HDLBP: variants seen among roughly 807,000 people sequenced by gnomAD.
The protein encoded by HDLBP is high density lipoprotein binding protein, also known as vigilin.
A neutral mutation model predicts 137.3 loss-of-function variants in HDLBP; 30 were observed. That is an observed-to-expected ratio of 0.22 (90% CI 0.16 to 0.30). The LOEUF (loss-of-function observed/expected upper bound fraction) is 0.30. Ranked by LOEUF, HDLBP falls within the 10% of genes least tolerant of loss-of-function variation. The pLI, the probability that HDLBP is intolerant of heterozygous loss-of-function variation, is 1.00. For missense variants in HDLBP, 1,119 were observed against 1,667.3 expected (o/e 0.67, Z 5.73); for synonymous variants, 606 against 596.0 (o/e 1.02, Z -0.24).
At chr2:241,314,486 G>C (rs1386249065) in intron 1 of HDLBP, among the ~76,000 whole-genome samples, 1 of 152,180 alleles carries the variant, frequency 6.6e-6, no homozygotes, top group Non-Finnish European at 1.5e-5. Flanking sequence ...AGGGCTTAGG[G>C]TATAGGTAGC....
intron 1 of HDLBP, among the ~76,000 whole-genome samples, chr2:241,304,705 A>T (rs1022958287): frequency 1.3e-5 from 2 of 152,240 alleles, no homozygotes; most frequent in Non-Finnish European, 2.9e-5. Context: ...CCGAATACCT[A>T]TCTTGCTGCA....
chr2:241,302,877 G>C (rs921985520), intron 1 of HDLBP, among the ~76,000 whole-genome samples: 2 of 152,164 alleles, frequency 1.3e-5, no homozygotes, highest in Non-Finnish European at 2.9e-5. Context: ...TCAGAGGTTT[G>C]AAGGATGACC....
intron 16 of HDLBP, among the ~76,000 whole-genome samples, chr2:241,245,298 C>G (rs1357466648): frequency 6.6e-6 from 1 of 152,018 alleles, no homozygotes; most frequent in East Asian, 1.9e-4. Context: ...ATCCTCTCAC[C>G]TCAACCTCCT....
Position 241,255,364 on chromosome 2 carries a change from A to G in HDLBP, c.1080+10T>C. The G allele has an allele frequency of 1.2e-6, 2 of 1,611,596 alleles. No individual in the cohort carries two copies. The highest frequency in any genetic ancestry group is 1.7e-6 in the Non-Finnish European group (2 of 1,177,732). On this transcript the variant is annotated intron_variant, in intron 8 of 27. Transcript: ENST00000310931. ...CAAAGGAGACACACTTCATGCTCGG[A>G]GGCAGTTACCTTGGCATAGACTTCA... is the stretch of plus-strand genomic sequence containing the variant.
At chr2:241,307,310 C>T (rs1681766275) in intron 1 of HDLBP, among the ~76,000 whole-genome samples, 1 of 152,202 alleles carries the variant, frequency 6.6e-6, no homozygotes, top group African/African-American at 2.4e-5. Flanking sequence ...ACTGCTCACG[C>T]CACTTGCTGA....
At chr2:241,263,227 G>C (rs1302307569) in intron 4 of HDLBP, among the ~76,000 whole-genome samples, 2 of 152,214 alleles carry the variant, frequency 1.3e-5, no homozygotes, top group Non-Finnish European at 2.9e-5. Flanking sequence ...GTGGACCCTG[G>C]GGACGGCCAG....
Position 241,235,536 on chromosome 2 carries a change from A to G in HDLBP, c.2963T>C (p.Ile988Thr). The change falls in exon 22 of 28, where the codon ATT becomes ACT. Residue 988 changes from isoleucine to threonine, a missense_variant. Physicochemically the swap from Ile to Thr is moderately conservative, Grantham distance 89 (BLOSUM62 -1). Coordinates refer to ENST00000310931, the MANE Select transcript of HDLBP (RefSeq NM_005336.6). ...GCGGATCCCACTTCCTTTCTGCCCA[A>G]TAACGTAACGGTGAAGGTCAAAGGG... ...EVPFDLHRYV[I>T]GQKGSGIRKM... The G allele has an allele frequency of 6.2e-7, 1 of 1,614,140 alleles. No homozygotes were observed. The highest frequency in any genetic ancestry group is 8.5e-7 in the Non-Finnish European group (1 of 1,179,996).
chr2:241,278,221 T>G (rs1007462493), intron 1 of HDLBP, among the ~76,000 whole-genome samples: 2 of 152,118 alleles, frequency 1.3e-5, no homozygotes, highest in African/African-American at 4.8e-5. Context: ...GGTACAATAT[T>G]AGAAAAACAG....
intron 2 of HDLBP, among the ~76,000 whole-genome samples, chr2:241,268,263 C>T (rs753904699): frequency 1.3e-5 from 2 of 152,130 alleles, no homozygotes; most frequent in African/African-American, 2.4e-5. Context: ...TAAAAACAGA[C>T]GGAAGCCAGA....
chr2:241,270,859 AC>A, intron 1 of HDLBP: 2 of 562,712 alleles, frequency 3.6e-6, no homozygotes, highest in Non-Finnish European at 4.5e-6. Flanking sequence ...AGGCCTAGAT[AC>A]CCAAGAACAG....
intron 1 of HDLBP, among the ~76,000 whole-genome samples, chr2:241,301,559 G>A (rs938413235): frequency 6.6e-6 from 1 of 152,104 alleles, no homozygotes; most frequent in Non-Finnish European, 1.5e-5. Flanking sequence ...CTACACACCT[G>A]TAATCATCTA....
rs1294505312 is a variant in HDLBP, at chr2:241,227,365, G to A, written c.*2236C>T. The A allele has an allele frequency of 1.3e-5, 2 of 152,528 alleles. No individual in the cohort carries two copies. Among genetic ancestry groups the A allele is most frequent in the Non-Finnish European group, 2.9e-5 (2 of 68,032 alleles). The allele number at this position is 152,528 out of a possible 1,614,324, so 9.4% of individuals were successfully genotyped here. ...TATTCATGAGCCTTTACACATGTTT[G>A]CATATAATCTCCAAATTCCAAAGTT... On this transcript the variant is annotated 3_prime_UTR_variant, in exon 28 of 28. Transcript: ENST00000310931.
intron 10 of HDLBP, 57 bp downstream of exon 10, chr2:241,253,336 C>G: frequency 8.3e-7 from 1 of 1,208,980 alleles, no homozygotes; most frequent in Non-Finnish European, 1.2e-6. Context: ...ACCGCCCATG[C>G]CCAACTCAGA....
Position 241,272,045 on chromosome 2 carries a change from C to A in HDLBP, c.-102-3504G>T. ...CTTAAAGGGACAGCAACCCCTCGGC[C>A]TCCCCGCCTTTCATCCAAATTCGGT... On this transcript the variant is annotated intron_variant, in intron 1 of 27. Transcript: ENST00000310931. This position sits in a 1 kb window ranked among gnomAD's most constrained non-coding sequence, Gnocchi z 5.6. 5.9e-6 allele frequency: 2 copies of A among 340,586 alleles called. No homozygotes were observed. The highest frequency in any genetic ancestry group is 4.2e-6 in the Non-Finnish European group (1 of 240,310). 21.1% of individuals were successfully genotyped at this position (340,586 alleles called of 1,614,324 possible).
In HDLBP at chr2:241,233,229, G is replaced by T. The variant is rs1323845411; in HGVS notation, c.3288+591C>A. 1.3e-5 allele frequency among the ~76,000 whole-genome samples: 2 copies of T among 152,210 alleles called. No individual in the cohort carries two copies. Among genetic ancestry groups the T allele is most frequent in the African/African-American group, 2.4e-5 (1 of 41,452 alleles). On this transcript the variant is annotated intron_variant, in intron 24 of 27. Coordinates refer to ENST00000310931, the MANE Select transcript of HDLBP (RefSeq NM_005336.6). This position sits in a 1 kb window ranked among gnomAD's most constrained non-coding sequence, Gnocchi z 4.3. ...CAAGCCTGGGAAGTGTGTGCAAGAG[G>T]GGGTGTTGGGTGAGGCTGCCCTGCA...
At chr2:241,269,954 A>G (rs1574983545) in intron 1 of HDLBP, among the ~76,000 whole-genome samples, 1 of 152,054 alleles carries the variant, frequency 6.6e-6, no homozygotes, top group Admixed American at 6.5e-5. Context: ...CCGGGCTCCA[A>G]TGTCACTTCT....
At chr2:241,308,403 G>GCTCAT (rs2075650155) in intron 1 of HDLBP, among the ~76,000 whole-genome samples, 1 of 152,112 alleles carries the variant, frequency 6.6e-6, no homozygotes, top group African/African-American at 2.4e-5. Context: ...TTCCTAAAGG[G>GCTCAT]CACCCAGGCA....
chr2:241,232,899 G>T (rs562013979), intron 24 of HDLBP, among the ~76,000 whole-genome samples: 1 of 152,116 alleles, frequency 6.6e-6, no homozygotes, highest in African/African-American at 2.4e-5. Flanking sequence ...GGAGCTGGAG[G>T]AGGCAGGGTG....
rs781680747 is a variant in HDLBP, at chr2:241,230,775, A to G, written c.3458T>C (p.Ile1153Thr). Residue 1153 changes from isoleucine (I) to threonine (T), a missense_variant, in exon 25 of 28, where the codon ATC becomes ACC. Physicochemically the swap from Ile to Thr is moderately conservative, Grantham distance 89. Transcript: ENST00000310931. The surrounding 1 kb of genome is among the most constrained non-coding windows in gnomAD (Gnocchi z 5.0). Reference sequence around the variant, plus strand: ...CCGGCTCACCTTGAATTCGTCCATGATTTTGCGAATGGCTTTGCCGCGGGC... The same window carrying G: ...CCGGCTCACCTTGAATTCGTCCATGGTTTTGCGAATGGCTTTGCCGCGGGC... Reference protein sequence around the residue: ...IGARGKAIRKIMDEFKVDIRF... With the variant: ...IGARGKAIRKTMDEFKVDIRF... 1 of 1,614,072 alleles carries G rather than the reference A, an allele frequency of 6.2e-7. No individual in the cohort carries two copies. Among genetic ancestry groups the G allele is most frequent in the East Asian group, 2.2e-5 (1 of 44,876 alleles).
Sources: allele counts gnomAD v4.1 joint callset (sites outside exome capture counted in the v4.1 genomes callset), GRCh38; gene constraint gnomAD v4.1.1; non-coding constraint Gnocchi (gnomAD v3.1); transcripts MANE v1.5; gene names NCBI Gene and HGNC (gene_info 2026-07-23, HGNC 2026-07-21).